The following ADGRL4 variants were observed in gnomAD, a reference collection of about 807,000 sequenced individuals.
ADGRL4 encodes the protein EGF, latrophilin and seven transmembrane domain containing 1.
ADGRL4 carries 90 observed loss-of-function variants against 74.8 expected under a neutral mutation model. That is an observed-to-expected ratio of 1.20 (90% CI 1.02 to 1.43). ADGRL4 has a LOEUF of 1.43. Ranked by LOEUF, ADGRL4 falls within the 40% of genes most tolerant of loss-of-function variation. The pLI is 0.00. For synonymous variants in ADGRL4, 311 were observed against 279.2 expected (o/e 1.11, Z -1.14); for missense variants, 881 against 814.3 (o/e 1.08, Z -1.00).
chr1:78,972,802 A>G (rs911371727), intron 2 of ADGRL4, among the ~76,000 whole-genome samples: 1 of 152,194 alleles, frequency 6.6e-6, no homozygotes, highest in Non-Finnish European at 1.5e-5. Flanking sequence ...ATACATTTGC[A>G]TACGGTTCCC....
chr1:78,918,187 T>C, intron 10 of ADGRL4, 137 bp from the exon 11 acceptor site: 1 of 638,982 alleles, frequency 1.6e-6, no homozygotes, highest in Non-Finnish European at 2.6e-6. Context: ...TGATTAGTCA[T>C]ATTAAAATAC....
At chr1:78,983,454 T>G (rs1357136248) in intron 2 of ADGRL4, among the ~76,000 whole-genome samples, 1 of 107,404 alleles carries the variant, frequency 9.3e-6, no homozygotes, top group Non-Finnish European at 2.1e-5. Context: ...GCTCTAGAAT[T>G]AGAAAAAAAA....
intron 12 of ADGRL4, among the ~76,000 whole-genome samples, chr1:78,915,645 A>C (rs1205697948): frequency 6.6e-6 from 1 of 151,788 alleles, no homozygotes; most frequent in Non-Finnish European, 1.5e-5. Flanking sequence ...TTTCTCTTTA[A>C]TTGTATGACC....
rs540293735 is a variant in ADGRL4 at position 78,917,627 on chromosome 1, T to C, written c.1749+7A>G. On this transcript the variant is annotated splice_region_variant and intron_variant, in intron 12 of 14. Transcript: ENST00000370742. ...TGAATTGTAATAACAATTTTATATA[T>C]ACATACAAGAATGATTAGGCATGCT... The C allele has an allele frequency of 1.3e-6, 2 of 1,571,912 alleles. No individual in the cohort carries two copies. Among genetic ancestry groups the C allele is most frequent in the African/African-American group, 2.7e-5 (2 of 73,092 alleles).
intron 7 of ADGRL4, among the ~76,000 whole-genome samples, chr1:78,928,949 C>A (rs1649180830): frequency 6.6e-6 from 1 of 151,442 alleles, no homozygotes; most frequent in South Asian, 2.1e-4. Flanking sequence ...CAATGAACTC[C>A]TTAGAGAATC....
intron 2 of ADGRL4, among the ~76,000 whole-genome samples, chr1:78,978,704 C>G (rs185681103): frequency 6.6e-6 from 1 of 152,034 alleles, no homozygotes. Context: ...TGTGCTGTTT[C>G]AATTCATCCT....
intron 2 of ADGRL4, among the ~76,000 whole-genome samples, chr1:78,976,283 T>C (rs558053570): frequency 6.6e-6 from 1 of 152,012 alleles, no homozygotes; most frequent in African/African-American, 2.4e-5. Context: ...GAAAGCATAA[T>C]AGTGAGCAAT....
intron 2 of ADGRL4, among the ~76,000 whole-genome samples, chr1:78,951,719 C>T (rs1649726515): frequency 6.6e-6 from 1 of 152,146 alleles, no homozygotes; most frequent in African/African-American, 2.4e-5. Context: ...AACTAAAGCT[C>T]AGATGGGTTA....
At chr1:78,946,241 T>C in intron 3 of ADGRL4, 33 bp downstream of exon 3, 3 of 1,564,446 alleles carry the variant, frequency 1.9e-6, no homozygotes, top group East Asian at 2.3e-5. Flanking sequence ...ATAAGAGATA[T>C]ATACAAATTC....
intron 12 of ADGRL4, among the ~76,000 whole-genome samples, chr1:78,898,031 C>T (rs377646280): frequency 1.3e-4 from 20 of 151,532 alleles, no homozygotes; most frequent in Admixed American, 4.0e-4. Flanking sequence ...AAAGTTTACA[C>T]GGTATGGAAA....
chr1:78,900,032 G>A (rs1053242973), intron 12 of ADGRL4, among the ~76,000 whole-genome samples: 3 of 152,134 alleles, frequency 2.0e-5, no homozygotes, highest in African/African-American at 7.2e-5. Flanking sequence ...TTGAGGCAGA[G>A]GAGATTTGGT....
chr1:78,968,423 C>T (rs1353653560), intron 2 of ADGRL4, among the ~76,000 whole-genome samples: 1 of 144,908 alleles, frequency 6.9e-6, no homozygotes, highest in Non-Finnish European at 1.5e-5. Context: ...ATCTAAATAG[C>T]TTGTTTACTC....
intron 2 of ADGRL4, among the ~76,000 whole-genome samples, chr1:78,966,882 T>TC (rs994394304): frequency 6.7e-6 from 1 of 148,994 alleles, no homozygotes; most frequent in Non-Finnish European, 1.5e-5. Flanking sequence ...TTTTTTTTTT[T>TC]CATTTAGAAG....
intron 1 of ADGRL4, 26 bp downstream of exon 1, chr1:79,006,607 G>C (rs781169662): frequency 1.3e-6 from 2 of 1,533,580 alleles, no homozygotes; most frequent in East Asian, 5.2e-5. Context: ...CGACGACCTC[G>C]GCGACCAGGG....
At chr1:78,893,058 C>T in intron 13 of ADGRL4, 40 bp downstream of exon 13, 1 of 847,864 alleles carries the variant, frequency 1.2e-6, no homozygotes, top group South Asian at 2.0e-5. Context: ...TTTTAATTAC[C>T]AAAAAAAAAA....
At chr1:78,948,667 A>G (rs989223653) in intron 2 of ADGRL4, among the ~76,000 whole-genome samples, 3 of 152,190 alleles carry the variant, frequency 2.0e-5, no homozygotes, top group Admixed American at 6.5e-5. Flanking sequence ...ATGCAACTCT[A>G]TATGGCTATA....
At chr1:78,999,839 T>TACCTAC (rs1553140937) in intron 2 of ADGRL4, among the ~76,000 whole-genome samples, 56 of 111,666 alleles carry the variant, frequency 5.0e-4, no homozygotes, top group African/African-American at 1.7e-3. Context: ...TATCTATCTA[T>TACCTAC]CTACCTACCT....
At chr1:78,994,291 GA>G (rs1650671753) in intron 2 of ADGRL4, among the ~76,000 whole-genome samples, 1 of 152,178 alleles carries the variant, frequency 6.6e-6, no homozygotes, top group Non-Finnish European at 1.5e-5. Context: ...GATTACATCT[GA>G]AGTAATCCCA....
intron 12 of ADGRL4, among the ~76,000 whole-genome samples, chr1:78,899,293 T>C (rs1322129525): frequency 1.3e-5 from 2 of 152,216 alleles, no homozygotes; most frequent in Admixed American, 1.3e-4. Context: ...GCCTACTGAA[T>C]AGCCATATAC....
Sources: allele counts gnomAD v4.1 joint callset (sites outside exome capture counted in the v4.1 genomes callset), GRCh38; gene constraint gnomAD v4.1.1; transcripts MANE v1.5; gene names NCBI Gene and HGNC (gene_info 2026-07-23, HGNC 2026-07-21).